ZC4H2: variants seen among roughly 807,000 people sequenced by gnomAD.
ZC4H2 encodes zinc finger C4H2-type containing, also known as zinc finger C4H2 domain-containing protein.
For missense variants in ZC4H2, 137 were observed against 173.9 expected (o/e 0.79, Z 1.19); for synonymous variants, 84 against 66.3 (o/e 1.27, Z -1.30).
At chrX:64,940,925 T>C (rs913720302) in intron 1 of ZC4H2, among the ~76,000 whole-genome samples, 4 of 112,116 alleles carry the variant, frequency 3.6e-5, no homozygotes, top group African/African-American at 6.5e-5. Context: ...TTTTTCCTAA[T>C]TCTGTGAATA....
intron 1 of ZC4H2, among the ~76,000 whole-genome samples, chrX:64,969,709 T>C (rs1286096392): frequency 8.9e-6 from 1 of 111,736 alleles, no homozygotes; most frequent in Non-Finnish European, 1.9e-5. Context: ...CAGCAATCAA[T>C]GATTTAAAAG....
At chrX:64,953,602 C>A (rs1430395441) in intron 1 of ZC4H2, among the ~76,000 whole-genome samples, 1 of 112,070 alleles carries the variant, frequency 8.9e-6, no homozygotes, top group Non-Finnish European at 1.9e-5. Flanking sequence ...CAGAGAAATG[C>A]AAATCAAAAC....
At chrX:64,922,417 C>A (rs1305928661) in intron 1 of ZC4H2, among the ~76,000 whole-genome samples, 1 of 112,011 alleles carries the variant, frequency 8.9e-6, no homozygotes, top group Admixed American at 9.4e-5. Context: ...TGCACTCCAA[C>A]CTAGGTGACA....
chrX:64,987,616 T>C (rs1487740413), intron 1 of ZC4H2, among the ~76,000 whole-genome samples: 1 of 109,382 alleles, frequency 9.1e-6, no homozygotes, highest in East Asian at 2.9e-4. Context: ...TGGATTTAAA[T>C]GTAAAATGTA....
chrX:64,987,298 A>G (rs1053109738), intron 1 of ZC4H2, among the ~76,000 whole-genome samples: 1 of 111,227 alleles, frequency 9.0e-6, no homozygotes, highest in Non-Finnish European at 1.9e-5. Context: ...AACAATTTTG[A>G]AAGAGAATAA....
chrX:64,986,710 A>G (rs1932192000), intron 1 of ZC4H2, among the ~76,000 whole-genome samples: 1 of 110,821 alleles, frequency 9.0e-6, no homozygotes, highest in East Asian at 2.9e-4. Context: ...CAATGGAGGA[A>G]GGTAGACAGA....
rs1028934302 is a variant in ZC4H2 at position 64,965,706 on chromosome X, C to T, written c.53+10619G>A. Reference sequence around the variant, plus strand: ...ATCAGAACACTTTGGGAAGCCATGGCGGGAGGATCGCTTGAGCCCAGGAGT... The same window carrying T: ...ATCAGAACACTTTGGGAAGCCATGGTGGGAGGATCGCTTGAGCCCAGGAGT... On this transcript the variant is annotated intron_variant, in intron 1 of 4. Coordinates refer to ENST00000374839, the MANE Select transcript of ZC4H2 (RefSeq NM_018684.4). 7.3e-5 allele frequency among the ~76,000 whole-genome samples: 8 copies of T among 110,307 alleles called. No homozygotes were observed. In the East Asian group the frequency reaches 8.6e-4, roughly 12 times the overall value.
chrX:64,987,654 G>T (rs1176294870), intron 1 of ZC4H2, among the ~76,000 whole-genome samples: 1 of 109,685 alleles, frequency 9.1e-6, no homozygotes, highest in Non-Finnish European at 1.9e-5. Context: ...GAAAAAAAAA[G>T]GAGAAAACCT....
chrX:65,014,253 T>C (rs1602455264), intron 1 of ZC4H2, among the ~76,000 whole-genome samples: 1 of 111,379 alleles, frequency 9.0e-6, no homozygotes, highest in East Asian at 2.8e-4. Flanking sequence ...GAGTGACTAG[T>C]TTCCCTAGGT....
intron 1 of ZC4H2, among the ~76,000 whole-genome samples, chrX:65,000,472 A>G (rs1932514857): frequency 8.9e-6 from 1 of 112,255 alleles, no homozygotes; most frequent in Non-Finnish European, 1.9e-5. Flanking sequence ...ATCCATGAAG[A>G]TGAGGAAACA....
rs1002203601 is a variant in ZC4H2 at position 64,991,458 on chromosome X, T to C, written c.-272+43171A>G. Among the ~76,000 whole-genome samples the C allele has an allele frequency of 2.7e-5, 3 of 111,538 alleles. No homozygotes were observed. In the Admixed American group the frequency reaches 2.9e-4, roughly 11 times the overall value. The stretch of plus-strand genomic sequence containing the variant: ...GGGTGCAGTGGTGCGAGCCTGTAAA[T>C]CCAACTACTTGGGAGGCTGAGGCAG... On this transcript the variant is annotated intron_variant, in intron 1 of 4. Transcript: ENST00000337990.
At chrX:64,952,675 A>G (rs780714299) in intron 1 of ZC4H2, among the ~76,000 whole-genome samples, 1 of 111,021 alleles carries the variant, frequency 9.0e-6, no homozygotes, top group South Asian at 3.9e-4. Context: ...AGGAGGATAC[A>G]AACAAATGGA....
intron 1 of ZC4H2, among the ~76,000 whole-genome samples, chrX:64,934,461 T>C (rs1005710848): frequency 8.9e-6 from 1 of 112,297 alleles, no homozygotes; most frequent in Non-Finnish European, 1.9e-5. Flanking sequence ...CAGTTGTTCA[T>C]AGTTATTATT....
chrX:64,986,431 C>A (rs545505439), intron 1 of ZC4H2, among the ~76,000 whole-genome samples: 1 of 112,132 alleles, frequency 8.9e-6, no homozygotes, highest in South Asian at 3.7e-4. Context: ...TACATGCTGA[C>A]ATTGGAGTTA....
intron 1 of ZC4H2, among the ~76,000 whole-genome samples, chrX:64,933,882 A>G (rs1474332129): frequency 8.9e-6 from 1 of 112,016 alleles, no homozygotes; most frequent in Non-Finnish European, 1.9e-5. Flanking sequence ...AGTTGTAGCT[A>G]AGGCAGGTGA....
chrX:64,952,558 C>G (rs1454256570), intron 1 of ZC4H2, among the ~76,000 whole-genome samples: 2 of 111,025 alleles, frequency 1.8e-5, no homozygotes, highest in African/African-American at 3.3e-5. Flanking sequence ...TGAGTGAACT[C>G]CCTTTCACAG....
chrX:64,963,113 G>A (rs1482348694), intron 1 of ZC4H2, among the ~76,000 whole-genome samples: 1 of 111,216 alleles, frequency 9.0e-6, no homozygotes, highest in Non-Finnish European at 1.9e-5. Flanking sequence ...AAAACAGAGA[G>A]CCCAGAAATG....
intron 1 of ZC4H2, among the ~76,000 whole-genome samples, chrX:64,953,145 C>A (rs1349575908): frequency 8.9e-6 from 1 of 112,039 alleles, no homozygotes; most frequent in Non-Finnish European, 1.9e-5. Flanking sequence ...TGGATCCCTT[C>A]CTTACACCTT....
At position 64,923,761 on chromosome X, in the gene ZC4H2, G is replaced by A. The variant is rs973624070; in HGVS notation, c.54-1773C>T. Among the ~76,000 whole-genome samples, 4 of 108,616 alleles carry A rather than the reference G, an allele frequency of 3.7e-5. No homozygotes were observed. The Admixed American group carries it at 4.0e-4, about 11-fold the overall frequency. 94.3% of individuals were successfully genotyped at this position (108,616 alleles called of 115,157 possible). A position where few individuals can be genotyped will look rare whatever the true frequency, so the allele number is the denominator to read the frequency against. On this transcript the variant is annotated intron_variant, in intron 1 of 4. Transcript: ENST00000374839. ...ATTTGTAGAGAAGGGAATTGAGTGA[G>A]GTTCAGGGTGGTAACTTGCCCAGTA...
Sources: gnomAD v4.1 joint callset for allele counts (sites outside exome capture counted in the v4.1 genomes callset) on GRCh38, gnomAD v4.1.1 for gene constraint, MANE v1.5 for transcripts, NCBI Gene and HGNC (gene_info 2026-07-23, HGNC 2026-07-21) for gene names.